The following OR2V2 variants were observed in gnomAD, a reference collection of about 807,000 sequenced individuals.
OR2V2 encodes the protein olfactory receptor 2V2.
For synonymous variants in OR2V2, 161 were observed against 151.3 expected (o/e 1.06, Z -0.47); for missense variants, 392 against 392.2 (o/e 1.00, Z 0.00).
At position 181,155,452 on chromosome 5, in the gene OR2V2, T is replaced by A. The variant is rs1763250866; in HGVS notation, c.510T>A (p.Cys170Ter). 6.2e-7 allele frequency: 1 copy of A among 1,614,216 alleles called. No individual in the cohort carries two copies. Among genetic ancestry groups the A allele is most frequent in the Non-Finnish European group, 8.5e-7 (1 of 1,180,032 alleles). Residue 170 changes from cysteine (C) to a stop codon, truncating the protein, a stop_gained, in exon 2 of 2, where the codon TGT becomes TGA. Coordinates refer to ENST00000641492, the MANE Select transcript of OR2V2 (RefSeq NM_206880.2). LOFTEE classifies it low-confidence loss of function (END_TRUNC). ...TGGTAGTAATGAATTTCCCCTACTG[T>A]GGCTTGAGGAAGGTGAACCATTTCT... Reference protein sequence around the residue: ...QMVVVMNFPYCGLRKVNHFFC... With the variant: ...QMVVVMNFPY
chr5:181,155,390 T>G lies in OR2V2; in HGVS notation c.448T>G (p.Trp150Gly). ...CTGTCTCCAGATTACTGGGAGCTCC[T>G]GGGCCTTTGGGATAATCGATGGCTT... ...RVCLQITGSS[W>G]AFGIIDGLIQ... Residue 150 changes from tryptophan to glycine, a missense_variant, in exon 2 of 2, where the codon TGG (tryptophan) becomes GGG (glycine). Trp to Gly is a radical substitution (Grantham distance 184, BLOSUM62 -2). Transcript: ENST00000641492. 6.2e-7 allele frequency: 1 copy of G among 1,614,222 alleles called. No homozygotes were observed. Among genetic ancestry groups the G allele is most frequent in the Non-Finnish European group, 8.5e-7 (1 of 1,180,034 alleles).
In OR2V2 at chr5:181,158,936, T is replaced by TGA. The variant is rs1491038684; in HGVS notation, c.*3047_*3048dup. On this transcript the variant is annotated 3_prime_UTR_variant, in exon 2 of 2. Transcript: ENST00000641492. The stretch of plus-strand genomic sequence containing the variant: ...TAGGTCAATGTTTTGTGTGTGTGTG[T>TGA]GAATATAAAAAATTGCTTGAAGCCA... The TGA allele has an allele frequency of 6.7e-6, 1 of 150,154 alleles. No homozygotes were observed. Among genetic ancestry groups the TGA allele is most frequent in the Non-Finnish European group, 1.5e-5 (1 of 67,836 alleles). The allele number at this position is 150,154 out of a possible 1,614,324, so 9.3% of individuals were successfully genotyped here.
Position 181,154,899 on chromosome 5 carries a change from C to A in OR2V2, c.-24-20C>A. 7.6e-7 allele frequency: 1 copy of A among 1,310,326 alleles called. No individual in the cohort carries two copies. Among genetic ancestry groups the A allele is most frequent in the Non-Finnish European group, 1.1e-6 (1 of 906,142 alleles). The allele number at this position is 1,310,326 out of a possible 1,614,324, so 81.2% of individuals were successfully genotyped here. A position where few individuals can be genotyped will look rare whatever the true frequency, so the allele number is the denominator to read the frequency against. ...TAAAGAGATGTCAGTCAATGTAACA[C>A]ATCTTGTCCATATTCTCAGGTGACC... On this transcript the variant is annotated intron_variant, in intron 1 of 1. Transcript: ENST00000641492.
At chr5:181,150,550 T>C (rs1763179353) in intron 1 of OR2V2, among the ~76,000 whole-genome samples, 1 of 152,188 alleles carries the variant, frequency 6.6e-6, no homozygotes, top group African/African-American at 2.4e-5. Flanking sequence ...TGCATTTCAC[T>C]TCATGGTATT....
At position 181,147,929 on chromosome 5, in the gene OR2V2, C is replaced by T. The variant is rs552240183; in HGVS notation, c.-91C>T. The T allele has an allele frequency of 3.0e-5, 12 of 397,896 alleles. No homozygotes were observed. Among genetic ancestry groups the T allele is most frequent in the Admixed American group, 8.8e-5 (2 of 22,700 alleles). The allele number at this position is 397,896 out of a possible 1,614,324, so 24.6% of individuals were successfully genotyped here. On this transcript the variant is annotated 5_prime_UTR_variant, in exon 1 of 2. Coordinates refer to ENST00000641492, the MANE Select transcript of OR2V2 (RefSeq NM_206880.2). ...AAAACAGGAGGATGAGTGCATGGCT[C>T]TGATGCTAGGAACTCCTCCACAGGT...
At chr5:181,148,736 G>A (rs1192777858) in intron 1 of OR2V2, among the ~76,000 whole-genome samples, 2 of 152,236 alleles carry the variant, frequency 1.3e-5, no homozygotes, top group Non-Finnish European at 2.9e-5. Context: ...CTGGCTTTGT[G>A]TGCTGTGGGA....
intron 1 of OR2V2, among the ~76,000 whole-genome samples, chr5:181,149,924 A>G (rs995975096): frequency 2.6e-5 from 4 of 152,240 alleles, no homozygotes; most frequent in African/African-American, 9.6e-5. Flanking sequence ...GAGACAATGC[A>G]TGTCTTTGAA....
At chr5:181,150,257 A>G (rs1402221946) in intron 1 of OR2V2, among the ~76,000 whole-genome samples, 3 of 152,226 alleles carry the variant, frequency 2.0e-5, no homozygotes, top group Non-Finnish European at 4.4e-5. Context: ...GGGCAGGCGC[A>G]TAAGAGTTGA....
rs750152536 is a variant in OR2V2 at position 181,155,023 on chromosome 5, C to G, written c.81C>G (p.Val27=). The G allele has an allele frequency of 2.5e-6, 4 of 1,614,178 alleles. No homozygotes were observed. In the East Asian group the frequency reaches 8.9e-5, roughly 36 times the overall value. The change falls in exon 2 of 2, where the codon GTC becomes GTG. Residue 27 remains valine, a synonymous_variant. Coordinates refer to ENST00000641492, the MANE Select transcript of OR2V2 (RefSeq NM_206880.2). ...GIFSHSTADL[V]LFSVVMAVFT... ...TCTCCCACAGTACTGCTGACCTTGT[C>G]CTCTTCTCCGTGGTTATGGCGGTCT...
Position 181,158,332 on chromosome 5 carries a change from C to G in OR2V2, c.*2442C>G, listed in dbSNP as rs893600223. ...AAGAAAATAATATAGAGAGGAAATA[C>G]ATGTGGGGGGGGGGCAGGTGCGGTG... On this transcript the variant is annotated 3_prime_UTR_variant, in exon 2 of 2. Coordinates refer to ENST00000641492, the MANE Select transcript of OR2V2 (RefSeq NM_206880.2). The G allele has an allele frequency of 4.7e-5, 4 of 85,598 alleles. No homozygotes were observed. The highest frequency in any genetic ancestry group is 2.2e-4 in the African/African-American group (4 of 18,100). The allele number at this position is 85,598 out of a possible 1,614,324, so 5.3% of individuals were successfully genotyped here.
intron 1 of OR2V2, 140 bp from the exon 2 acceptor site, chr5:181,154,779 T>A: frequency 1.6e-6 from 1 of 625,476 alleles, no homozygotes. Context: ...TAGGGAGATA[T>A]GGAGTGTCCC....
intron 1 of OR2V2, among the ~76,000 whole-genome samples, chr5:181,152,638 T>C (rs532275107): frequency 6.6e-6 from 1 of 152,274 alleles, no homozygotes; most frequent in Admixed American, 6.5e-5. Context: ...CGGTGATGAT[T>C]AGTGACTCAC....
chr5:181,154,545 T>A (rs961124136), intron 1 of OR2V2, among the ~76,000 whole-genome samples: 1 of 146,278 alleles, frequency 6.8e-6, no homozygotes, highest in Admixed American at 6.9e-5. Flanking sequence ...AGCAGAGATC[T>A]CGCCACTGCA....
intron 1 of OR2V2, among the ~76,000 whole-genome samples, chr5:181,154,569 G>T (rs1443273445): frequency 6.9e-6 from 1 of 144,982 alleles, no homozygotes; most frequent in Non-Finnish European, 1.5e-5. Context: ...CAGCCTGGGC[G>T]ACTGAGCAAG....
At chr5:181,148,158 C>T (rs1475183508) in intron 1 of OR2V2, among the ~76,000 whole-genome samples, 163 bp downstream of exon 1, 1 of 152,186 alleles carries the variant, frequency 6.6e-6, no homozygotes, top group East Asian at 1.9e-4. Flanking sequence ...GGGGCATCCG[C>T]CTTCTGGTGT....
intron 1 of OR2V2, 101 bp downstream of exon 1, chr5:181,148,096 T>A: frequency 2.5e-6 from 1 of 397,134 alleles, no homozygotes; most frequent in Non-Finnish European, 4.4e-6. Flanking sequence ...CAGCACTTGT[T>A]CTTCCTCCTA....
At position 181,155,426 on chromosome 5, in the gene OR2V2, G is replaced by A; in HGVS notation, c.484G>A (p.Val162Met). Reference sequence around the variant, plus strand: ...GATAATCGATGGCTTGATCCAGATGGTGGTAGTAATGAATTTCCCCTACTG... The same window carrying A: ...GATAATCGATGGCTTGATCCAGATGATGGTAGTAATGAATTTCCCCTACTG... ...FGIIDGLIQM[V>M]VVMNFPYCGL... Residue 162 changes from valine to methionine, a missense_variant, in exon 2 of 2, where the codon GTG becomes ATG. Coordinates refer to ENST00000641492, the MANE Select transcript of OR2V2 (RefSeq NM_206880.2). The A allele has an allele frequency of 1.2e-6, 2 of 1,614,232 alleles. No individual in the cohort carries two copies. Among genetic ancestry groups the A allele is most frequent in the Middle Eastern group, 1.6e-4 (1 of 6,062 alleles).
rs965643276 is a variant in OR2V2, at chr5:181,159,168, G to T, written c.*3278G>T. ...TAATCCCAGCACTTTGGGAAGCCAA[G>T]GCAGGAGGATCACTTGAGCCCAGGA... On this transcript the variant is annotated 3_prime_UTR_variant, in exon 2 of 2. Transcript: ENST00000641492. 1.3e-5 allele frequency: 2 copies of T among 152,332 alleles called. No homozygotes were observed. The highest frequency in any genetic ancestry group is 2.9e-5 in the Non-Finnish European group (2 of 68,190). The allele number at this position is 152,332 out of a possible 1,614,324, so 9.4% of individuals were successfully genotyped here.
chr5:181,154,547 G>A (rs993682150), intron 1 of OR2V2, among the ~76,000 whole-genome samples: 1 of 145,848 alleles, frequency 6.9e-6, no homozygotes, highest in South Asian at 2.3e-4. Context: ...CAGAGATCTC[G>A]CCACTGCACT....
Sources: allele counts gnomAD v4.1 joint callset (sites outside exome capture counted in the v4.1 genomes callset), GRCh38; gene constraint gnomAD v4.1.1; transcripts MANE v1.5; gene names NCBI Gene and HGNC (gene_info 2026-07-23, HGNC 2026-07-21).